POLN: variants seen among roughly 807,000 people sequenced by gnomAD.
POLN encodes the protein DNA polymerase N.
Under a neutral mutation model 113.5 loss-of-function variants are expected in POLN, and 108 were observed. That is an observed-to-expected ratio of 0.95 (90% CI 0.81 to 1.12). The LOEUF is 1.12. POLN is among the 50% of genes most tolerant of loss of function. The pLI, the probability that POLN is intolerant of heterozygous loss-of-function variation, is 0.00. For synonymous variants in POLN, 386 were observed against 391.5 expected (o/e 0.99, Z 0.17); for missense variants, 1,097 against 1,077.1 (o/e 1.02, Z -0.26).
In POLN at chr4:2,125,812, A is replaced by G. The variant is rs556709470; in HGVS notation, c.1982+2301T>C. ...TTTTGGAGCTCAGTGGGGTGCAGGCAAGACTGGCTAAGTGACAGACCTGGA... is the reference window on the plus strand; with the variant it reads ...TTTTGGAGCTCAGTGGGGTGCAGGCGAGACTGGCTAAGTGACAGACCTGGA... On this transcript the variant is annotated intron_variant, in intron 19 of 25. Transcript: ENST00000511885. Among the ~76,000 whole-genome samples, 6 of 152,266 alleles carry G rather than the reference A, an allele frequency of 3.9e-5. No individual in the cohort carries two copies. The South Asian group carries it at 1.2e-3, about 32-fold the overall frequency.
chr4:2,197,005 G>A (rs927918748), intron 6 of POLN, among the ~76,000 whole-genome samples: 1 of 152,200 alleles, frequency 6.6e-6, no homozygotes, highest in African/African-American at 2.4e-5. Context: ...AGGAGGAGGT[G>A]AGGTTGAAGA....
At chr4:2,105,668 T>A (rs1731047633) in intron 19 of POLN, among the ~76,000 whole-genome samples, 1 of 151,748 alleles carries the variant, frequency 6.6e-6, no homozygotes, top group African/African-American at 2.4e-5. Flanking sequence ...GAGGGGGAGC[T>A]GAAAGTAGGG....
At chr4:2,167,176 C>T (rs533026467) in intron 13 of POLN, among the ~76,000 whole-genome samples, 23 of 152,302 alleles carry the variant, frequency 1.5e-4, no homozygotes, top group African/African-American at 5.5e-4. Flanking sequence ...GGTCAGTGCA[C>T]ACACATGACC....
chr4:2,240,885 T>C (rs1734961305), intron 2 of POLN: 2 of 1,608,856 alleles, frequency 1.2e-6, no homozygotes, highest in Non-Finnish European at 1.7e-6. Context: ...TCCATTAAGA[T>C]TATCAGCTTT....
intron 19 of POLN, among the ~76,000 whole-genome samples, chr4:2,112,370 C>G (rs1022639638): frequency 3.7e-4 from 56 of 152,148 alleles, no homozygotes; most frequent in African/African-American, 1.3e-3. Flanking sequence ...GCAACAGAAG[C>G]CAAAATTGAC....
intron 13 of POLN, 79 bp downstream of exon 13, chr4:2,170,600 G>T: frequency 8.1e-7 from 1 of 1,237,630 alleles, no homozygotes; most frequent in Non-Finnish European, 1.2e-6. Flanking sequence ...AGAGTCTCGG[G>T]TGGGTCTGAA....
At chr4:2,232,423 T>C (rs1044563433) in intron 2 of POLN, among the ~76,000 whole-genome samples, 7 of 152,206 alleles carry the variant, frequency 4.6e-5, no homozygotes, top group Admixed American at 3.9e-4. Context: ...AGCTGTTCTG[T>C]GCATTCATAT....
chr4:2,075,346 A>T, intron 24 of POLN, 106 bp downstream of exon 24: 1 of 1,236,428 alleles, frequency 8.1e-7, no homozygotes, highest in Non-Finnish European at 1.1e-6. Context: ...CAGGGGCCAT[A>T]AAAGGGAAGA....
At position 2,126,478 on chromosome 4, in the gene POLN, G is replaced by C. The variant is rs943357149; in HGVS notation, c.1982+1635C>G. Among the ~76,000 whole-genome samples, 3 of 152,214 alleles carry C rather than the reference G, an allele frequency of 2.0e-5. No individual in the cohort carries two copies. Among genetic ancestry groups the C allele is most frequent in the African/African-American group, 7.2e-5 (3 of 41,454 alleles). On this transcript the variant is annotated intron_variant, in intron 19 of 25. Coordinates refer to ENST00000511885, the MANE Select transcript of POLN (RefSeq NM_181808.4). This position sits in a 1 kb window ranked among gnomAD's most constrained non-coding sequence, Gnocchi z 4.6. ...GCACAGTAGGGACGAGGGTGGATGA[G>C]GTCTCGGCCCCTGGGCGCTGTCGCT... is the stretch of plus-strand genomic sequence containing the variant.
At chr4:2,211,927 C>G (rs927481854) in intron 4 of POLN, among the ~76,000 whole-genome samples, 7 of 152,234 alleles carry the variant, frequency 4.6e-5, no homozygotes, top group East Asian at 1.9e-4. Flanking sequence ...CTGAGAGATA[C>G]AATTTCCATT....
chr4:2,115,257 G>A (rs187324817), intron 19 of POLN, among the ~76,000 whole-genome samples: 138 of 145,766 alleles, frequency 9.5e-4, no homozygotes, highest in Admixed American at 1.6e-3. Context: ...TAGTAGAGAT[G>A]GGGTTTCACC....
intron 16 of POLN, among the ~76,000 whole-genome samples, chr4:2,137,486 T>C (rs1731885359): frequency 6.6e-6 from 1 of 152,210 alleles, no homozygotes; most frequent in Non-Finnish European, 1.5e-5. Context: ...CTGATGCCAC[T>C]GCACTTGACC....
intron 11 of POLN, among the ~76,000 whole-genome samples, chr4:2,173,513 C>G (rs911934381): frequency 6.6e-6 from 1 of 152,048 alleles, no homozygotes; most frequent in African/African-American, 2.4e-5. Context: ...TTTGCCCCGC[C>G]CCGCCACTGC....
At chr4:2,143,173 C>T (rs1291934814) in intron 16 of POLN, among the ~76,000 whole-genome samples, 1 of 150,998 alleles carries the variant, frequency 6.6e-6, no homozygotes, top group African/African-American at 2.4e-5. Context: ...CCTAAAAAGC[C>T]TAGAAAAAGA....
chr4:2,180,642 C>T (rs1327038071), intron 7 of POLN, among the ~76,000 whole-genome samples: 4 of 152,164 alleles, frequency 2.6e-5, no homozygotes, highest in African/African-American at 7.2e-5. Context: ...TCTGGTGATG[C>T]GGACTGACCC....
rs149949926 is a variant in POLN, at chr4:2,196,528, C to A, written c.908+1996G>T. Among the ~76,000 whole-genome samples the A allele has an allele frequency of 2.2e-3, 334 of 152,194 alleles. 1 individual carries two copies. The highest frequency in any genetic ancestry group is 7.5e-3 in the African/African-American group (310 of 41,514). Reference sequence around the variant, plus strand: ...GGGACATGGCCACCCAATGCTATGTCCTGATCCCAACAAGTCAACTGTAGA... The same window carrying A: ...GGGACATGGCCACCCAATGCTATGTACTGATCCCAACAAGTCAACTGTAGA... On this transcript the variant is annotated intron_variant, in intron 6 of 25. Coordinates refer to ENST00000511885, the MANE Select transcript of POLN (RefSeq NM_181808.4).
At chr4:2,177,197 C>T (rs1733018793) in intron 8 of POLN, 1 of 371,148 alleles carries the variant, frequency 2.7e-6, no homozygotes, top group Non-Finnish European at 5.4e-6. Flanking sequence ...CATGTGACTC[C>T]TAGTTTGAAT....
intron 16 of POLN, 116 bp downstream of exon 16, chr4:2,156,672 G>T (rs1732441532): frequency 1.3e-6 from 1 of 788,588 alleles, no homozygotes; most frequent in Non-Finnish European, 2.2e-6. Context: ...CAACATATCA[G>T]TATGAAGTCC....
chr4:2,125,403 C>T (rs1003613223), intron 19 of POLN, among the ~76,000 whole-genome samples: 16 of 151,956 alleles, frequency 1.1e-4, no homozygotes, highest in African/African-American at 3.4e-4. Context: ...TAAGTAAGAG[C>T]GGGGGTTCTT....
Sources: allele counts gnomAD v4.1 joint callset (sites outside exome capture counted in the v4.1 genomes callset), GRCh38; gene constraint gnomAD v4.1.1; non-coding constraint Gnocchi (gnomAD v3.1); transcripts MANE v1.5; gene names NCBI Gene and HGNC (gene_info 2026-07-23, HGNC 2026-07-21).